Variants in CYP27A1 observed in about 807,000 individuals in gnomAD.
CYP27A1 encodes sterol 26-hydroxylase, mitochondrial.
A neutral mutation model predicts 58.2 loss-of-function variants in CYP27A1; 46 were observed. That is an observed-to-expected ratio of 0.79 (90% CI 0.62 to 1.01). The LOEUF (loss-of-function observed/expected upper bound fraction) is 1.01, where lower values mean the gene tolerates loss of function less well. Among genes scored for constraint, CYP27A1 ranks in the 50% least tolerant of loss-of-function variants. The pLI, the probability that CYP27A1 is intolerant of heterozygous loss-of-function variation, is 0.00. For missense variants in CYP27A1, 704 were observed against 687.0 expected, an observed-to-expected ratio of 1.02 and a Z score of -0.28; for synonymous variants, 274 against 285.1, an observed-to-expected ratio of 0.96 and a Z score of 0.39.
intron 1 of CYP27A1, among the ~76,000 whole-genome samples, chr2:218,785,053 T>C (rs866940908): frequency 3.5e-4 from 53 of 152,220 alleles, no homozygotes; most frequent in African/African-American, 1.2e-3. Context: ...ATGAAATAAT[T>C]ATGCAACTCA....
intron 1 of CYP27A1, among the ~76,000 whole-genome samples, chr2:218,789,591 A>G (rs1397422103): frequency 6.6e-6 from 1 of 152,260 alleles, no homozygotes; most frequent in Non-Finnish European, 1.5e-5. Context: ...TTGGCACAAG[A>G]GTAGGCTACA....
In CYP27A1 at chr2:218,812,936, T is replaced by C. The variant is rs768019870; in HGVS notation, c.857T>C (p.Ile286Thr). ...GTTGCTTTCACAGGGAAGAAGCTGA[T>C]TGATGAGAAGCTCGAAGATATGGAG... Reference protein sequence around the residue: ...NAIFSFGKKLIDEKLEDMEAQ... With the variant: ...NAIFSFGKKLTDEKLEDMEAQ... The change falls in exon 5 of 9, where the codon ATT becomes ACT. Residue 286 changes from isoleucine (I) to threonine (T), a missense_variant. Physicochemically the swap from Ile to Thr is moderately conservative, Grantham distance 89. Transcript: ENST00000258415. 3 of 1,614,234 alleles carry C rather than the reference T, an allele frequency of 1.9e-6. No homozygotes were observed. Among genetic ancestry groups the C allele is most frequent in the Admixed American group, 1.7e-5 (1 of 60,030 alleles).
In CYP27A1 at chr2:218,811,800, A is replaced by G. The variant is rs565272020; in HGVS notation, c.447-422A>G. Among the ~76,000 whole-genome samples the G allele has an allele frequency of 6.6e-5, 10 of 152,354 alleles. No individual in the cohort carries two copies. The East Asian group carries it at 1.9e-3, about 29-fold the overall frequency. ...TGTATAATTCCAAGATAATCAGTCA[A>G]TATTCACTAAGCATTCATTATGTAC... is the stretch of plus-strand genomic sequence containing the variant. On this transcript the variant is annotated intron_variant, in intron 2 of 8. Transcript: ENST00000258415.
At position 218,813,073 on chromosome 2, in the gene CYP27A1, C is replaced by A; in HGVS notation, c.994C>A (p.Leu332Met). Residue 332 changes from leucine (L) to methionine (M), a missense_variant, in exon 5 of 9, where the codon CTG becomes ATG. Transcript: ENST00000258415. ...GGAGGCCATGGGCAGCCTGCCTGAG[C>A]TGCTCATGGCTGGAGTGGACACGGT... ...PREAMGSLPE[L>M]LMAGVDTTSN... The A allele has an allele frequency of 6.2e-7, 1 of 1,613,110 alleles. No homozygotes were observed. Among genetic ancestry groups the A allele is most frequent in the Non-Finnish European group, 8.5e-7 (1 of 1,179,210 alleles).
chr2:218,782,451 G>T lies in CYP27A1; in HGVS notation c.255+14G>T, dbSNP rs767761739. 3 of 1,614,124 alleles carry T rather than the reference G, an allele frequency of 1.9e-6. No homozygotes were observed. The highest frequency in any genetic ancestry group is 1.7e-6 in the Non-Finnish European group (2 of 1,179,998). On this transcript the variant is annotated intron_variant, in intron 1 of 8. Coordinates refer to ENST00000258415, the MANE Select transcript of CYP27A1 (RefSeq NM_000784.4). The surrounding 1 kb of genome is among the most constrained non-coding windows in gnomAD (Gnocchi z 4.1). ...CACCAGTTACAGGTAACCCGCGGGG[G>T]CATCGCGTCCTGGGGATGGGAGTGG...
At chr2:218,795,937 A>G (rs1395115529) in intron 1 of CYP27A1, among the ~76,000 whole-genome samples, 1 of 152,196 alleles carries the variant, frequency 6.6e-6, no homozygotes, top group African/African-American at 2.4e-5. Flanking sequence ...GGAAGCTCAG[A>G]TAAGACCTTT....
intron 1 of CYP27A1, among the ~76,000 whole-genome samples, chr2:218,799,722 A>G (rs1411408388): frequency 6.6e-6 from 1 of 150,984 alleles, no homozygotes; most frequent in African/African-American, 2.4e-5. Flanking sequence ...TTTTTTCTGG[A>G]GAATCCTTAT....
Position 218,782,169 on chromosome 2 carries a change from C to T in CYP27A1, c.-14C>T. On this transcript the variant is annotated 5_prime_UTR_variant, in exon 1 of 9. Transcript: ENST00000258415. The surrounding 1 kb of genome is among the most constrained non-coding windows in gnomAD (Gnocchi z 4.1). ...AGCACTCGACCCAAAGGTGCAGGCG[C>T]GCGAGCACAACCCATGGCTGCGCTG... is the stretch of plus-strand genomic sequence containing the variant. 6.5e-7 allele frequency: 1 copy of T among 1,534,552 alleles called. No individual in the cohort carries two copies. The highest frequency in any genetic ancestry group is 8.7e-7 in the Non-Finnish European group (1 of 1,146,018).
At chr2:218,804,603 T>G (rs1457734188) in intron 1 of CYP27A1, among the ~76,000 whole-genome samples, 1 of 152,218 alleles carries the variant, frequency 6.6e-6, no homozygotes, top group Non-Finnish European at 1.5e-5. Flanking sequence ...TGAAAGGGAA[T>G]GCATTGAATT....
At chr2:218,801,947 G>T (rs1943603454) in intron 1 of CYP27A1, among the ~76,000 whole-genome samples, 1 of 148,382 alleles carries the variant, frequency 6.7e-6, no homozygotes, top group African/African-American at 2.5e-5. Context: ...GCCAGGCCCT[G>T]GGCTTTGGCT....
intron 1 of CYP27A1, among the ~76,000 whole-genome samples, chr2:218,806,911 A>G (rs962670897): frequency 1.3e-5 from 2 of 151,854 alleles, no homozygotes; most frequent in African/African-American, 4.8e-5. Context: ...CTTAAACTGG[A>G]AACAAATTAA....
intron 1 of CYP27A1, among the ~76,000 whole-genome samples, chr2:218,793,914 A>G (rs1943521113): frequency 6.6e-6 from 1 of 152,260 alleles, no homozygotes; most frequent in Non-Finnish European, 1.5e-5. Context: ...GAGTTTTGCC[A>G]TGTTGGCCAG....
At chr2:218,787,100 C>G (rs1005466419) in intron 1 of CYP27A1, among the ~76,000 whole-genome samples, 2 of 152,280 alleles carry the variant, frequency 1.3e-5, no homozygotes, top group Admixed American at 6.5e-5. Context: ...CATCATGTAT[C>G]TTGTTTCTTA....
intron 1 of CYP27A1, among the ~76,000 whole-genome samples, chr2:218,783,455 G>A (rs1489024094): frequency 1.3e-5 from 2 of 152,018 alleles, no homozygotes; most frequent in Non-Finnish European, 2.9e-5. Flanking sequence ...TGTTGGAGAG[G>A]ATTTAGGGAA....
At chr2:218,783,173 C>T (rs764534896) in intron 1 of CYP27A1, among the ~76,000 whole-genome samples, 14 of 146,270 alleles carry the variant, frequency 9.6e-5, no homozygotes, top group South Asian at 6.4e-4. Flanking sequence ...AGGAGAATCG[C>T]TTGAACCAGG....
chr2:218,813,562 A>G (rs1304890379), intron 5 of CYP27A1, among the ~76,000 whole-genome samples: 1 of 151,940 alleles, frequency 6.6e-6, no homozygotes, highest in African/African-American at 2.4e-5. Flanking sequence ...GGTAGCTGGG[A>G]TTACAGTTGT....
chr2:218,792,379 G>T (rs1034723854), intron 1 of CYP27A1, among the ~76,000 whole-genome samples: 1 of 152,084 alleles, frequency 6.6e-6, no homozygotes, highest in African/African-American at 2.4e-5. Flanking sequence ...ATCTGGCAAG[G>T]TGTTTTTTTT....
chr2:218,800,406 G>T (rs1481430778), intron 1 of CYP27A1, among the ~76,000 whole-genome samples: 1 of 151,810 alleles, frequency 6.6e-6, no homozygotes, highest in Non-Finnish European at 1.5e-5. Context: ...TATTTTGTGT[G>T]GTGGCTCACA....
At chr2:218,807,001 G>A (rs2105977769) in intron 1 of CYP27A1, among the ~76,000 whole-genome samples, 1 of 119,862 alleles carries the variant, frequency 8.3e-6, no homozygotes, top group East Asian at 2.3e-4. Flanking sequence ...TTGCCACCCA[G>A]GCTGGAGTGC....
Sources: gnomAD v4.1 joint callset for allele counts (sites outside exome capture counted in the v4.1 genomes callset) on GRCh38, gnomAD v4.1.1 for gene constraint, Gnocchi (gnomAD v3.1) non-coding constraint, MANE v1.5 for transcripts, NCBI Gene and HGNC (gene_info 2026-07-23, HGNC 2026-07-21) for gene names.